SEC61A2: variants seen among roughly 807,000 people sequenced by gnomAD.
SEC61A2 encodes protein transport protein Sec61 subunit alpha isoform 2.
SEC61A2 carries 28 observed loss-of-function variants against 59.9 expected under a neutral mutation model. The ratio of observed to expected loss-of-function variants is 0.47; its 90% confidence interval spans 0.35 to 0.64. SEC61A2 has a LOEUF of 0.64. Ranked by LOEUF, SEC61A2 falls within the 30% of genes least tolerant of loss-of-function variation. The pLI, the probability that SEC61A2 is intolerant of heterozygous loss-of-function variation, is 0.01. For synonymous variants in SEC61A2, 202 were observed against 214.4 expected (o/e 0.94, Z 0.50); for missense variants, 340 against 585.9 (o/e 0.58, Z 4.33).
At chr10:12,144,842 G>C (rs1182588428) in intron 4 of SEC61A2, among the ~76,000 whole-genome samples, 1 of 152,142 alleles carries the variant, frequency 6.6e-6, no homozygotes, top group East Asian at 1.9e-4. Context: ...CTTGAGGTCA[G>C]GAGTCCAGAC....
At chr10:12,136,047 C>T in intron 2 of SEC61A2, 58 bp from the exon 3 acceptor site, 1 of 1,123,526 alleles carries the variant, frequency 8.9e-7, no homozygotes, top group Non-Finnish European at 1.4e-6. Context: ...TCTGCTGCCC[C>T]CCAAAAATTT....
In SEC61A2 at chr10:12,161,345, TGAGACG is replaced by T. The variant is rs550522224; in HGVS notation, c.1167+228_1167+233del. Among the ~76,000 whole-genome samples the T allele has an allele frequency of 1.3e-5, 2 of 152,224 alleles. No homozygotes were observed. Among genetic ancestry groups the T allele is most frequent in the African/African-American group, 4.8e-5 (2 of 41,540 alleles). On this transcript the variant is annotated intron_variant, in intron 10 of 11. Coordinates refer to ENST00000298428, the MANE Select transcript of SEC61A2 (RefSeq NM_018144.4). The surrounding 1 kb of genome is among the most constrained non-coding windows in gnomAD (Gnocchi z 5.4). ...CCGTGGTCCCAGCTACTTGGGAAGT[TGAGACG>T]GAGCAGTAACGCTTGAGTCCGGGAG...
In SEC61A2 at chr10:12,165,201, TTC is replaced by T. The variant is rs1278775042; in HGVS notation, c.*749_*750del. The T allele has an allele frequency of 1.9e-5, 19 of 985,340 alleles. No individual in the cohort carries two copies. Among genetic ancestry groups the T allele is most frequent in the African/African-American group, 3.5e-5 (2 of 57,252 alleles). The allele number at this position is 985,340 out of a possible 1,614,324, so 61.0% of individuals were successfully genotyped here. On this transcript the variant is annotated 3_prime_UTR_variant, in exon 12 of 12. Coordinates refer to ENST00000298428, the MANE Select transcript of SEC61A2 (RefSeq NM_018144.4). ...TTCAAGATTCTGGGCCCCGATTCTTTTCTGTTTAAATCCCTAAAGCAAAGATC... is the reference window on the plus strand; with the variant it reads ...TTCAAGATTCTGGGCCCCGATTCTTTTGTTTAAATCCCTAAAGCAAAGATC...
rs1834517458 is a variant in SEC61A2 at position 12,161,175 on chromosome 10, C to T, written c.1167+54C>T. ...ACTCTTGGCAATGCATGGTGGCGCA[C>T]ATCTGTAATCGTAGCACTTTGGCAG... On this transcript the variant is annotated intron_variant, in intron 10 of 11. Coordinates refer to ENST00000298428, the MANE Select transcript of SEC61A2 (RefSeq NM_018144.4). This position sits in a 1 kb window ranked among gnomAD's most constrained non-coding sequence, Gnocchi z 5.4. 1.4e-6 allele frequency: 2 copies of T among 1,418,206 alleles called. No individual in the cohort carries two copies. The highest frequency in any genetic ancestry group is 1.4e-5 in the African/African-American group (1 of 69,676). 87.9% of individuals were successfully genotyped at this position (1,418,206 alleles called of 1,614,324 possible). A position where few individuals can be genotyped will look rare whatever the true frequency, so the allele number is the denominator to read the frequency against.
At chr10:12,166,532 C>T, downstream of SEC61A2, 1 of 310,168 alleles carries the variant, frequency 3.2e-6, no homozygotes, top group Non-Finnish European at 6.5e-6. Context: ...TGGGCTCAGA[C>T]AGTGAGCCTG....
rs755877719 is a variant in SEC61A2, at chr10:12,143,078, A to G, written c.142-39A>G. 2.0e-6 allele frequency: 3 copies of G among 1,499,718 alleles called. No homozygotes were observed. The highest frequency in any genetic ancestry group is 2.3e-5 in the South Asian group (2 of 88,788). The allele number at this position is 1,499,718 out of a possible 1,614,324, so 92.9% of individuals were successfully genotyped here. A position where few individuals can be genotyped will look rare whatever the true frequency, so the allele number is the denominator to read the frequency against. ...AGCGATTCTTATGCCTCAGCCTTAT[A>G]TAATACAGTTTCATAAACTATTTTG... On this transcript the variant is annotated intron_variant, in intron 3 of 11. Transcript: ENST00000298428. The surrounding 1 kb of genome is among the most constrained non-coding windows in gnomAD (Gnocchi z 4.8).
At position 12,162,063 on chromosome 10, in the gene SEC61A2, C is replaced by T; in HGVS notation, c.1168-150C>T. On this transcript the variant is annotated intron_variant, in intron 10 of 11. Transcript: ENST00000298428. This position sits in a 1 kb window ranked among gnomAD's most constrained non-coding sequence, Gnocchi z 6.1. Reference sequence around the variant, plus strand: ...GGAGGAGCACTGAAGCTTTGGTTTCCTCAGGCTTAATGCGAATGATATGAC... The same window carrying T: ...GGAGGAGCACTGAAGCTTTGGTTTCTTCAGGCTTAATGCGAATGATATGAC... 6 of 670,982 alleles carry T rather than the reference C, an allele frequency of 8.9e-6. 1 individual carries two copies. The South Asian group carries it at 9.4e-5, about 11-fold the overall frequency. The allele number at this position is 670,982 out of a possible 1,614,324, so 41.6% of individuals were successfully genotyped here.
In SEC61A2 at chr10:12,149,567, T is replaced by C; in HGVS notation, c.221-28T>C. 1 of 1,578,576 alleles carries C rather than the reference T, an allele frequency of 6.3e-7. No individual in the cohort carries two copies. The highest frequency in any genetic ancestry group is 2.2e-5 in the East Asian group (1 of 44,702). On this transcript the variant is annotated intron_variant, in intron 4 of 11. Coordinates refer to ENST00000298428, the MANE Select transcript of SEC61A2 (RefSeq NM_018144.4). The surrounding 1 kb of genome is among the most constrained non-coding windows in gnomAD (Gnocchi z 5.2). ...AGTTTGTATCGTGTACAGCAAACAT[T>C]GCACACTTCTCTCCCCTTCCTTTCC...
intron 2 of SEC61A2, among the ~76,000 whole-genome samples, chr10:12,134,778 C>T (rs955920110): frequency 7.2e-5 from 11 of 152,004 alleles, no homozygotes; most frequent in South Asian, 6.3e-4. Flanking sequence ...ATTAGCTGGG[C>T]GTGGTGGCGT....
At chr10:12,134,876 G>A (rs1011238709) in intron 2 of SEC61A2, among the ~76,000 whole-genome samples, 1 of 150,836 alleles carries the variant, frequency 6.6e-6, no homozygotes, top group Non-Finnish European at 1.5e-5. Context: ...CCGAGACTGC[G>A]CCACTGCGCT....
At chr10:12,139,618 A>G (rs1833964528) in intron 3 of SEC61A2, among the ~76,000 whole-genome samples, 1 of 151,950 alleles carries the variant, frequency 6.6e-6, no homozygotes, top group South Asian at 2.1e-4. Flanking sequence ...CCCCATCTCT[A>G]CTAAAAATAG....
chr10:12,148,181 C>T (rs1288932090), intron 4 of SEC61A2, among the ~76,000 whole-genome samples: 7 of 151,522 alleles, frequency 4.6e-5, no homozygotes, highest in African/African-American at 1.5e-4. Context: ...CCTCATGATC[C>T]TCCCACCTCG....
At position 12,153,702 on chromosome 10, in the gene SEC61A2, T is replaced by G. The variant is rs1198876120; in HGVS notation, c.463-2076T>G. ...TATAAAGAGGGGTGTCATGTTTGAT[T>G]GTAGGTGGGCAGTGACCCATTGGTG... is the stretch of plus-strand genomic sequence containing the variant. On this transcript the variant is annotated intron_variant, in intron 6 of 11. Transcript: ENST00000298428. This position sits in a 1 kb window ranked among gnomAD's most constrained non-coding sequence, Gnocchi z 5.2. 5 of 1,602,688 alleles carry G rather than the reference T, an allele frequency of 3.1e-6. No homozygotes were observed. Among genetic ancestry groups the G allele is most frequent in the East Asian group, 2.2e-5 (1 of 44,702 alleles).
intron 3 of SEC61A2, among the ~76,000 whole-genome samples, chr10:12,139,751 T>A (rs901728743): frequency 1.8e-4 from 27 of 151,824 alleles, no homozygotes; most frequent in Admixed American, 1.6e-3. Context: ...GCCACTGCAC[T>A]CCAGTCTGGG....
chr10:12,131,909 C>A (rs77935328), intron 1 of SEC61A2, among the ~76,000 whole-genome samples: 1,926 of 1,926 alleles, frequency 1, 963 homozygotes, highest in Non-Finnish European at 1. Flanking sequence ...GTTGGCCAGG[C>A]TGGCCTTGAG....
chr10:12,131,857 A>AT (rs1180276308), intron 1 of SEC61A2, among the ~76,000 whole-genome samples: 2 of 102,032 alleles, frequency 2.0e-5, no homozygotes, highest in Admixed American at 1.1e-4. Flanking sequence ...CGCCCTGCTA[A>AT]TTTTTTTTTT....
Position 12,165,048 on chromosome 10 carries a change from T to C in SEC61A2, c.*594T>C, listed in dbSNP as rs377723108. On this transcript the variant is annotated 3_prime_UTR_variant, in exon 12 of 12. Transcript: ENST00000298428. ...ACAACTGCTTCTAAGGCCTCCTCCT[T>C]CTCCTCCTCCTCTTCCTCTTCCTCC... 2.9e-5 allele frequency: 29 copies of C among 986,314 alleles called. No individual in the cohort carries two copies. The East Asian group carries it at 9.3e-4, about 32-fold the overall frequency. The allele number at this position is 986,314 out of a possible 1,614,324, so 61.1% of individuals were successfully genotyped here.
chr10:12,151,385 C>T (rs1363871446), intron 6 of SEC61A2, among the ~76,000 whole-genome samples: 2 of 149,342 alleles, frequency 1.3e-5, no homozygotes. Flanking sequence ...GATCTCGGCT[C>T]ACTGCAACCT....
chr10:12,147,870 C>G (rs1455801863), intron 4 of SEC61A2, among the ~76,000 whole-genome samples: 1 of 151,500 alleles, frequency 6.6e-6, no homozygotes, highest in Non-Finnish European at 1.5e-5. Flanking sequence ...TTGATTAAGT[C>G]TATTTCTGGA....
Sources: gnomAD v4.1 joint callset for allele counts (sites outside exome capture counted in the v4.1 genomes callset) on GRCh38, gnomAD v4.1.1 for gene constraint, Gnocchi (gnomAD v3.1) non-coding constraint, MANE v1.5 for transcripts, NCBI Gene and HGNC (gene_info 2026-07-23, HGNC 2026-07-21) for gene names.